The following TSNARE1 variants were observed in gnomAD, a reference collection of about 807,000 sequenced individuals.
TSNARE1 encodes t-SNARE domain-containing protein 1.
TSNARE1 carries 49 observed loss-of-function variants against 62.0 expected under a neutral mutation model. The ratio of observed to expected loss-of-function variants is 0.79; its 90% CI spans 0.63 to 1.00. TSNARE1 has a LOEUF of 1.00. Among genes scored for constraint, TSNARE1 ranks in the 50% least tolerant of loss-of-function variants. The pLI is 0.00. For synonymous variants in TSNARE1, 328 were observed against 294.4 expected, an observed-to-expected ratio of 1.11 and a Z score of -1.17; for missense variants, 755 against 700.1, an observed-to-expected ratio of 1.08 and a Z score of -0.88.
chr8:142,383,737 G>A (rs1836928755), intron 1 of TSNARE1, among the ~76,000 whole-genome samples: 2 of 152,144 alleles, frequency 1.3e-5, no homozygotes, highest in Non-Finnish European at 2.9e-5. Flanking sequence ...AGGTTATCAA[G>A]GTGAGGAAAC....
At chr8:142,395,436 C>G (rs2131421153) in intron 1 of TSNARE1, among the ~76,000 whole-genome samples, 1 of 152,250 alleles carries the variant, frequency 6.6e-6, no homozygotes, top group Non-Finnish European at 1.5e-5. Context: ...GGGGCGGCCC[C>G]AGCAAAGACA....
intron 10 of TSNARE1, among the ~76,000 whole-genome samples, chr8:142,297,705 G>A (rs1015157130): frequency 2.6e-5 from 4 of 152,232 alleles, no homozygotes; most frequent in Admixed American, 6.5e-5. Flanking sequence ...GGCCTGGCAC[G>A]TGCGACCTCC....
chr8:142,354,609 C>A, intron 2 of TSNARE1, 28 bp downstream of exon 2: 1 of 1,546,568 alleles, frequency 6.5e-7, no homozygotes, highest in East Asian at 2.3e-5. Context: ...CCCTCCTCCC[C>A]GCCCCCACTT....
chr8:142,280,057 T>C, intron 11 of TSNARE1: 1 of 1,236,456 alleles, frequency 8.1e-7, no homozygotes, highest in Non-Finnish European at 1.0e-6. Context: ...GCCCAGCGCG[T>C]TCACTGCCTG....
At chr8:142,242,648 T>A (rs1817716642) in intron 12 of TSNARE1, among the ~76,000 whole-genome samples, 1 of 152,176 alleles carries the variant, frequency 6.6e-6, no homozygotes, top group South Asian at 2.1e-4. Context: ...TGAATAGACA[T>A]TTCTTGAAAG....
At chr8:142,397,445 A>G (rs991688993) in intron 1 of TSNARE1, among the ~76,000 whole-genome samples, 1 of 152,164 alleles carries the variant, frequency 6.6e-6, no homozygotes, top group African/African-American at 2.4e-5. Flanking sequence ...CAGACTAATG[A>G]CATGGAAAGG....
intron 11 of TSNARE1, among the ~76,000 whole-genome samples, chr8:142,279,258 G>A (rs1159025699): frequency 6.6e-6 from 1 of 152,236 alleles, no homozygotes; most frequent in Non-Finnish European, 1.5e-5. Context: ...ATCTGGAAGG[G>A]GAGGGCTGCC....
rs1829171177 is a variant in TSNARE1 at position 142,319,666 on chromosome 8, T to A, written c.894-1032A>T. 6.6e-6 allele frequency among the ~76,000 whole-genome samples: 1 copy of A among 152,098 alleles called. No homozygotes were observed. Among genetic ancestry groups the A allele is most frequent in the South Asian group, 2.1e-4 (1 of 4,834 alleles). On this transcript the variant is annotated intron_variant, in intron 6 of 13. Transcript: ENST00000524325. This position sits in a 1 kb window ranked among gnomAD's most constrained non-coding sequence, Gnocchi z 4.9. ...ACCCAGGACCTGCACCAAGCAGGCCTTGGGGCCGACACGTGGGAGCGAGCC... is the reference window on the plus strand; with the variant it reads ...ACCCAGGACCTGCACCAAGCAGGCCATGGGGCCGACACGTGGGAGCGAGCC...
intron 12 of TSNARE1, among the ~76,000 whole-genome samples, chr8:142,239,353 G>A (rs563303619): frequency 6.6e-6 from 1 of 152,334 alleles, no homozygotes; most frequent in South Asian, 2.1e-4. Context: ...CAGGCCTGGA[G>A]AGTGTGAACT....
intron 11 of TSNARE1, chr8:142,279,953 CG>C (rs1821137228): frequency 1.8e-6 from 2 of 1,109,762 alleles, no homozygotes; most frequent in Non-Finnish European, 2.2e-6. Context: ...AGGAGGAGGC[CG>C]GGGGCGGGGC....
At chr8:142,384,358 TA>T (rs925104054) in intron 1 of TSNARE1, among the ~76,000 whole-genome samples, 1 of 152,020 alleles carries the variant, frequency 6.6e-6, no homozygotes, top group Admixed American at 6.5e-5. Flanking sequence ...TAAAATGAAA[TA>T]AAACCCAATA....
intron 9 of TSNARE1, among the ~76,000 whole-genome samples, chr8:142,309,270 G>A (rs531790714): frequency 3.2e-4 from 48 of 152,120 alleles, no homozygotes; most frequent in African/African-American, 1.0e-3. Flanking sequence ...GCCATACTGC[G>A]TTGGATACAA....
At chr8:142,238,319 GT>G (rs1040740199) in intron 12 of TSNARE1, among the ~76,000 whole-genome samples, 37 of 152,138 alleles carry the variant, frequency 2.4e-4, no homozygotes, top group Admixed American at 1.1e-3. Flanking sequence ...GCCACCACCT[GT>G]CACCTCCATA....
intron 12 of TSNARE1, among the ~76,000 whole-genome samples, chr8:142,251,530 C>A (rs534943698): frequency 6.6e-6 from 1 of 152,134 alleles, no homozygotes; most frequent in Non-Finnish European, 1.5e-5. Flanking sequence ...GGCTCCTGTC[C>A]GTCCGAGCAG....
At chr8:142,276,617 T>G (rs1820546666) in intron 11 of TSNARE1, 9 of 985,272 alleles carry the variant, frequency 9.1e-6, no homozygotes, top group Non-Finnish European at 1.1e-5. Context: ...GGCTGGACAC[T>G]TTCTCTGCCC....
intron 10 of TSNARE1, among the ~76,000 whole-genome samples, chr8:142,285,239 GGTAGATGGATGGATGC>G (rs370405016): frequency 0.025 from 3,666 of 145,914 alleles, 76 homozygotes; most frequent in African/African-American, 0.035. Context: ...TGGATGGATG[GGTAGATGGATGGATGC>G]GTAGGTGGAT....
intron 12 of TSNARE1, among the ~76,000 whole-genome samples, chr8:142,230,453 A>C (rs1817048395): frequency 6.6e-6 from 1 of 152,200 alleles, no homozygotes; most frequent in South Asian, 2.1e-4. Context: ...GGAGAGTGAC[A>C]TGTTTAGCAG....
At position 142,386,375 on chromosome 8, in the gene TSNARE1, A is replaced by C. The variant is rs376959780; in HGVS notation, c.-40+16729T>G. 9.8e-5 allele frequency among the ~76,000 whole-genome samples: 15 copies of C among 152,310 alleles called. No individual in the cohort carries two copies. In the South Asian group the frequency reaches 3.1e-3, roughly 32 times the overall value. Reference sequence around the variant, plus strand: ...TACTATAATATCTCATATAGACAAAAGTATAGACTCTCTTCAATATAAGAA... The same window carrying C: ...TACTATAATATCTCATATAGACAAACGTATAGACTCTCTTCAATATAAGAA... On this transcript the variant is annotated intron_variant, in intron 1 of 13. Coordinates refer to ENST00000524325, the MANE Select transcript of TSNARE1 (RefSeq NM_145003.5).
At chr8:142,262,573 G>A (rs1027910926) in intron 12 of TSNARE1, among the ~76,000 whole-genome samples, 2 of 152,126 alleles carry the variant, frequency 1.3e-5, no homozygotes, top group Non-Finnish European at 2.9e-5. Flanking sequence ...GAGGTGCCTG[G>A]ATCATGAGGG....
Sources: gnomAD v4.1 joint callset for allele counts (sites outside exome capture counted in the v4.1 genomes callset) on GRCh38, gnomAD v4.1.1 for gene constraint, Gnocchi (gnomAD v3.1) non-coding constraint, MANE v1.5 for transcripts, NCBI Gene and HGNC (gene_info 2026-07-23, HGNC 2026-07-21) for gene names.